DPH6: variants seen among roughly 807,000 people sequenced by gnomAD.
DPH6 encodes the protein diphthine--ammonia ligase.
Under a neutral mutation model 38.2 loss-of-function variants are expected in DPH6, and 33 were observed. The observed-to-expected ratio is 0.86, with a 90% CI of 0.65 to 1.15. The LOEUF (loss-of-function observed/expected upper bound fraction) is 1.15. Ranked by LOEUF, DPH6 falls within the 50% of genes most tolerant of loss-of-function variation. The pLI, the probability that DPH6 is intolerant of heterozygous loss-of-function variation, is 0.00. For synonymous variants in DPH6, 108 were observed against 103.0 expected (o/e 1.05, Z -0.30); for missense variants, 325 against 320.0 (o/e 1.02, Z -0.12).
At chr15:35,160,768 T>C in the DPH6 span, among the ~76,000 whole-genome samples, 1 of 151,956 alleles carries the variant, frequency 6.6e-6, no homozygotes, top group Admixed American at 6.6e-5. Context: ...GTACTTATCT[T>C]ATTTGACCCA....
At chr15:35,439,820 A>G (rs7177401) in intron 5 of DPH6, among the ~76,000 whole-genome samples, 135,856 of 152,090 alleles carry the variant, frequency 0.89, 60,907 homozygotes, top group East Asian at 1. Flanking sequence ...GATTCCTTGT[A>G]GAATAGAGTT....
At chr15:35,245,232 C>CTTTT (rs71123123) in intron 3 of DPH6, among the ~76,000 whole-genome samples, 161 of 81,366 alleles carry the variant, frequency 2.0e-3, no homozygotes, top group East Asian at 5.7e-3. Context: ...ATTGTTCTTG[C>CTTTT]TTTTTTTTTT....
chr15:35,368,894 A>G (rs922794080), downstream of DPH6, among the ~76,000 whole-genome samples: 5 of 151,846 alleles, frequency 3.3e-5, no homozygotes, highest in African/African-American at 1.2e-4. Context: ...AAAGACTAGA[A>G]AGAGAGTGAC....
chr15:35,461,323 T>C (rs1388679354), intron 3 of DPH6, among the ~76,000 whole-genome samples: 1 of 152,330 alleles, frequency 6.6e-6, no homozygotes, highest in Non-Finnish European at 1.5e-5. Context: ...TCCTCCTGCC[T>C]TGGCCTCCCA....
chr15:35,150,271 T>C, the DPH6 span, among the ~76,000 whole-genome samples: 1 of 152,208 alleles, frequency 6.6e-6, no homozygotes, highest in Non-Finnish European at 1.5e-5. Flanking sequence ...ATCAGAGTTA[T>C]AACTAGAAAA....
the DPH6 span, among the ~76,000 whole-genome samples, chr15:35,192,720 AT>A: frequency 1.3e-5 from 2 of 152,212 alleles, no homozygotes; most frequent in African/African-American, 4.8e-5. Flanking sequence ...ATGAATCAAT[AT>A]TATTTGGTGA....
At chr15:35,182,332 T>C in the DPH6 span, among the ~76,000 whole-genome samples, 4 of 150,140 alleles carry the variant, frequency 2.7e-5, no homozygotes, top group South Asian at 8.5e-4. Flanking sequence ...TCAGACTATA[T>C]TATTACCAAA....
chr15:35,161,029 T>C, the DPH6 span, among the ~76,000 whole-genome samples: 3 of 151,976 alleles, frequency 2.0e-5, no homozygotes, highest in East Asian at 5.8e-4. Flanking sequence ...TTAGGAGATA[T>C]ACCTAATGCT....
At chr15:35,312,228 G>A (rs1234354223) in intron 3 of DPH6, among the ~76,000 whole-genome samples, 1 of 152,162 alleles carries the variant, frequency 6.6e-6, no homozygotes, top group East Asian at 1.9e-4. Flanking sequence ...TAAATGAGCT[G>A]AAGAATAAGA....
At chr15:35,223,548 C>T (rs1007351190) in intron 3 of DPH6, among the ~76,000 whole-genome samples, 3 of 151,978 alleles carry the variant, frequency 2.0e-5, no homozygotes, top group Non-Finnish European at 4.4e-5. Flanking sequence ...TAACCAGGCA[C>T]GGTGGTGGAC....
intron 3 of DPH6, among the ~76,000 whole-genome samples, chr15:35,488,288 T>C (rs2141166470): frequency 6.6e-6 from 1 of 152,318 alleles, no homozygotes; most frequent in South Asian, 2.1e-4. Context: ...CATTTTCAGT[T>C]ATCTTTCTAG....
chr15:35,491,223 A>G (rs2054472850), intron 3 of DPH6, among the ~76,000 whole-genome samples: 1 of 151,956 alleles, frequency 6.6e-6, no homozygotes, highest in South Asian at 2.1e-4. Context: ...ATGGAAGGAT[A>G]AAGACAAGTA....
chr15:35,299,479 G>A lies in DPH6; in HGVS notation n.200+74042C>T. The A allele has an allele frequency of 9.3e-6, 7 of 755,834 alleles. No individual in the cohort carries two copies. In the East Asian group the frequency reaches 1.0e-4, roughly 11 times the overall value. 46.8% of individuals were successfully genotyped at this position (755,834 alleles called of 1,614,324 possible). A position where few individuals can be genotyped will look rare whatever the true frequency, so the allele number is the denominator to read the frequency against. The stretch of plus-strand genomic sequence containing the variant: ...TAATGCCGGCCCGCCCGCCGACTCT[G>A]CCCATGGGCCGCGGTGGCGGCAGCG... On this transcript the variant is annotated intron_variant and non_coding_transcript_variant, in intron 3 of 3. Coordinates refer to the DPH6 transcript ENST00000560386.
chr15:35,251,509 AAAACTC>A (rs1318312417), intron 3 of DPH6, among the ~76,000 whole-genome samples: 1 of 152,218 alleles, frequency 6.6e-6, no homozygotes, highest in Non-Finnish European at 1.5e-5. Flanking sequence ...TCTACAGGAT[AAAACTC>A]AAACTTCAGA....
intron 3 of DPH6, among the ~76,000 whole-genome samples, chr15:35,335,368 T>A (rs1200404462): frequency 6.6e-6 from 1 of 152,152 alleles, no homozygotes; most frequent in Non-Finnish European, 1.5e-5. Flanking sequence ...GATAGTTTTT[T>A]TATTTTTTAT....
intron 3 of DPH6, chr15:35,490,150 C>T: frequency 1.0e-6 from 1 of 985,306 alleles, no homozygotes; most frequent in Non-Finnish European, 1.2e-6. Context: ...ATTTGTACTT[C>T]ACTTACACAG....
chr15:35,248,222 G>A lies in DPH6; in HGVS notation n.201-27640C>T, dbSNP rs147497862. 2.3e-3 allele frequency among the ~76,000 whole-genome samples: 351 copies of A among 152,284 alleles called. 1 individual carries two copies. Among genetic ancestry groups the A allele is most frequent in the Non-Finnish European group, 3.1e-3 (211 of 68,032 alleles). ...TACCTCTCATTCTCCCCTGAGGCAA[G>A]CCATGGAAACTAGAATCCCTTTTCT... On this transcript the variant is annotated intron_variant and non_coding_transcript_variant, in intron 3 of 3. Transcript: ENST00000560386.
intron 3 of DPH6, among the ~76,000 whole-genome samples, chr15:35,344,280 T>G (rs2052444797): frequency 6.6e-6 from 1 of 152,002 alleles, no homozygotes; most frequent in Admixed American, 6.6e-5. Context: ...TTCTCTGCCT[T>G]TAGAAAAATA....
At chr15:35,321,696 T>C (rs570729229) in intron 3 of DPH6, among the ~76,000 whole-genome samples, 4 of 152,364 alleles carry the variant, frequency 2.6e-5, no homozygotes, top group African/African-American at 9.6e-5. Flanking sequence ...TATGGATTTT[T>C]CTAAAAGAGG....
Sources: allele counts gnomAD v4.1 joint callset (sites outside exome capture counted in the v4.1 genomes callset), GRCh38; gene constraint gnomAD v4.1.1; transcripts MANE v1.5; gene names NCBI Gene and HGNC (gene_info 2026-07-23, HGNC 2026-07-21).